RAPGEF3: variants seen among roughly 807,000 people sequenced by gnomAD.
RAPGEF3 encodes the protein 9330170P05Rik.
RAPGEF3 carries 103 observed loss-of-function variants against 129.8 expected under a neutral mutation model. The ratio of observed to expected loss-of-function variants is 0.79; its 90% CI spans 0.68 to 0.93. The LOEUF (loss-of-function observed/expected upper bound fraction) is 0.93. RAPGEF3 is among the 40% of genes least tolerant of loss of function. The probability of loss-of-function intolerance (pLI) is 0.00; values close to 1 mark genes in which losing one functional copy is unlikely to be tolerated. For synonymous variants in RAPGEF3, 436 were observed against 482.6 expected, an observed-to-expected ratio of 0.90 and a Z score of 1.26; for missense variants, 1,117 against 1,207.4, an observed-to-expected ratio of 0.93 and a Z score of 1.11.
At chr12:47,739,115 G>T (rs770516292) in intron 24 of RAPGEF3, 28 bp downstream of exon 24, 1 of 1,529,050 alleles carries the variant, frequency 6.5e-7, no homozygotes, top group Non-Finnish European at 9.0e-7. Context: ...GGGGGGAATG[G>T]AGGGATGGAG....
At chr12:47,744,598 C>A in intron 16 of RAPGEF3, 1 of 159,474 alleles carries the variant, frequency 6.3e-6, no homozygotes, top group Admixed American at 5.9e-5. Context: ...TGCTCCGATA[C>A]TGTGTCAGTG....
intron 2 of RAPGEF3, among the ~76,000 whole-genome samples, chr12:47,755,390 A>G (rs185705495): frequency 6.6e-6 from 1 of 152,264 alleles, no homozygotes; most frequent in Admixed American, 6.5e-5. Flanking sequence ...AACTACTACT[A>G]TTATTTGGAT....
chr12:47,737,299 C>T lies in RAPGEF3; in HGVS notation c.*268G>A. 1.0e-5 allele frequency: 5 copies of T among 496,108 alleles called. No homozygotes were observed. The highest frequency in any genetic ancestry group is 1.8e-5 in the Non-Finnish European group (5 of 272,842). 30.7% of individuals were successfully genotyped at this position (496,108 alleles called of 1,614,324 possible). A position where few individuals can be genotyped will look rare whatever the true frequency, so the allele number is the denominator to read the frequency against. On this transcript the variant is annotated 3_prime_UTR_variant, in exon 28 of 28. Coordinates refer to ENST00000449771, the MANE Select transcript of RAPGEF3 (RefSeq NM_001098531.4). ...ATTGCACACAACGTCCCAGCGCACTCCACTCTCCACCCACTCCTGGGGCCT... is the reference window on the plus strand; with the variant it reads ...ATTGCACACAACGTCCCAGCGCACTTCACTCTCCACCCACTCCTGGGGCCT...
chr12:47,741,753 G>A (rs1941181917), intron 18 of RAPGEF3, 151 bp from the exon 19 acceptor site: 2 of 648,878 alleles, frequency 3.1e-6, no homozygotes, highest in Admixed American at 4.7e-5. Flanking sequence ...GAATACACAG[G>A]TGCATGTGCC....
intron 24 of RAPGEF3, 142 bp from the exon 25 acceptor site, chr12:47,738,896 A>C: frequency 1.2e-6 from 1 of 809,472 alleles, no homozygotes; most frequent in Non-Finnish European, 2.1e-6. Flanking sequence ...CCCCAGCAGC[A>C]TTTCCTTGTA....
chr12:47,746,615 A>T, intron 16 of RAPGEF3: 1 of 706,394 alleles, frequency 1.4e-6, no homozygotes, highest in East Asian at 2.7e-5. Flanking sequence ...CAAAAGGAAT[A>T]AAAGGCCCAT....
intron 6 of RAPGEF3, 152 bp from the exon 7 acceptor site, chr12:47,750,577 G>A: frequency 7.4e-6 from 5 of 672,500 alleles, no homozygotes; most frequent in Non-Finnish European, 1.0e-5. Context: ...GTGCGCACAT[G>A]TGGCAGCGCT....
At chr12:47,753,633 G>A (rs1050443725) in intron 2 of RAPGEF3, among the ~76,000 whole-genome samples, 3 of 152,262 alleles carry the variant, frequency 2.0e-5, no homozygotes, top group Admixed American at 6.5e-5. Context: ...GAAATGAGAA[G>A]GAGGAGGAGC....
At chr12:47,741,349 T>C in intron 19 of RAPGEF3, 156 bp downstream of exon 19, 2 of 742,306 alleles carry the variant, frequency 2.7e-6, no homozygotes, top group South Asian at 3.4e-5. Flanking sequence ...AATTCCCCCA[T>C]CAGCTGAGGC....
At position 47,741,521 on chromosome 12, in the gene RAPGEF3, T is replaced by C. The variant is rs1289998337; in HGVS notation, c.1907A>G (p.Gln636Arg). The C allele has an allele frequency of 6.2e-7, 1 of 1,614,070 alleles. No individual in the cohort carries two copies. The highest frequency in any genetic ancestry group is 1.1e-5 in the South Asian group (1 of 91,086). The change falls in exon 19 of 28, where the codon CAG (glutamine) becomes CGG (arginine). Residue 636 changes from glutamine to arginine, a missense_variant. By Grantham distance (43) the Gln-to-Arg change is conservative. Coordinates refer to ENST00000449771, the MANE Select transcript of RAPGEF3 (RefSeq NM_001098531.4). ...GGTCCCTACCAGCTCATGCACTTCC[T>C]GTGGGTTGACAACAAAGAGACGCTC... is the stretch of plus-strand genomic sequence containing the variant. ...LNERLFVVNPQEVHELIPHPD... is the reference protein window; with the variant it reads ...LNERLFVVNPREVHELIPHPD...
In RAPGEF3 at chr12:47,734,520, G is replaced by A. The variant is rs1177709973; in HGVS notation, c.*3047C>T. 6.6e-6 allele frequency: 1 copy of A among 152,222 alleles called. No homozygotes were observed. The highest frequency in any genetic ancestry group is 1.5e-5 in the Non-Finnish European group (1 of 68,050). 9.4% of individuals were successfully genotyped at this position (152,222 alleles called of 1,614,324 possible). A position where few individuals can be genotyped will look rare whatever the true frequency, so the allele number is the denominator to read the frequency against. ...CTTCACCTGTCTACCCTGCTATTAAGCAGTTATGTGACCTTGGGCAAACCT... is the reference window on the plus strand; with the variant it reads ...CTTCACCTGTCTACCCTGCTATTAAACAGTTATGTGACCTTGGGCAAACCT... On this transcript the variant is annotated 3_prime_UTR_variant, in exon 28 of 28. Coordinates refer to ENST00000449771, the MANE Select transcript of RAPGEF3 (RefSeq NM_001098531.4).
Position 47,739,168 on chromosome 12 carries a change from G to A in RAPGEF3, c.2436C>T (p.Ile812=). The part of the protein sequence containing the change: ...LALAKLSPPV[I]PFMPLLLKDM... ...CTTTGAGAAGAAGGGGCATGAAGGG[G>A]ATGACAGGAGGGGAGAGCTTGGCGA... is the stretch of plus-strand genomic sequence containing the variant. The change falls in exon 24 of 28, where the codon ATC becomes ATT. Residue 812 remains isoleucine (I), a synonymous_variant. Coordinates refer to ENST00000449771, the MANE Select transcript of RAPGEF3 (RefSeq NM_001098531.4). The A allele has an allele frequency of 6.2e-7, 1 of 1,606,548 alleles. No homozygotes were observed. Among genetic ancestry groups the A allele is most frequent in the Non-Finnish European group, 8.5e-7 (1 of 1,176,722 alleles).
intron 26 of RAPGEF3, 29 bp downstream of exon 26, chr12:47,738,164 C>T (rs1940906238): frequency 1.2e-6 from 2 of 1,613,610 alleles, no homozygotes; most frequent in Admixed American, 1.7e-5. Flanking sequence ...GGGTGGGGGA[C>T]CTCCCACCCC....
rs1437847546 is a variant in RAPGEF3, at chr12:47,737,595, G to C, written c.2744C>G (p.Ser915Cys). ...LKVIDNQREL[S>C]RLSRELEP Reference sequence around the variant, plus strand: ...TGGCTCCAGCTCTCGGGAGAGGCGGGAGAGTTCCCGCTGGTTGTCAATGAC... The same window carrying C: ...TGGCTCCAGCTCTCGGGAGAGGCGGCAGAGTTCCCGCTGGTTGTCAATGAC... Residue 915 changes from serine to cysteine, a missense_variant, in exon 28 of 28, where the codon TCC (serine) becomes TGC (cysteine). By Grantham distance (112) the Ser-to-Cys change is moderately radical. This residue lies in a region of RAPGEF3 where 643 missense variants were observed against 673.4 expected (regional missense o/e 0.95). Coordinates refer to ENST00000449771, the MANE Select transcript of RAPGEF3 (RefSeq NM_001098531.4). 4 of 1,604,276 alleles carry C rather than the reference G, an allele frequency of 2.5e-6. No individual in the cohort carries two copies. The highest frequency in any genetic ancestry group is 1.1e-5 in the South Asian group (1 of 89,276).
At chr12:47,752,196 C>T (rs1397647698) in intron 2 of RAPGEF3, among the ~76,000 whole-genome samples, 2 of 152,252 alleles carry the variant, frequency 1.3e-5, no homozygotes, top group Non-Finnish European at 1.5e-5. Context: ...TCAAGGACTG[C>T]CTCCCTACAG....
intron 16 of RAPGEF3, chr12:47,745,022 C>T (rs1475732271): frequency 6.5e-6 from 1 of 152,684 alleles, no homozygotes; most frequent in African/African-American, 2.4e-5. Context: ...TCCCAGACCA[C>T]TCTGTTCCCC....
chr12:47,748,884 C>A lies in RAPGEF3; in HGVS notation c.1089G>T (p.Val363=), dbSNP rs1257268030. ...TMRLEEHGKV[V]LVLERASQGA... is the part of the protein sequence containing the mutation. ...CCTGAGAGGCTCTCTCCAGCACCAGCACCACTTTGCCATGTTCTTCCAGCC... is the reference window on the plus strand; with the variant it reads ...CCTGAGAGGCTCTCTCCAGCACCAGAACCACTTTGCCATGTTCTTCCAGCC... Residue 363 remains valine (V), a synonymous_variant, in exon 11 of 28, where the codon GTG becomes GTT. Coordinates refer to ENST00000449771, the MANE Select transcript of RAPGEF3 (RefSeq NM_001098531.4). 3 of 1,613,968 alleles carry A rather than the reference C, an allele frequency of 1.9e-6. No homozygotes were observed. The African/African-American group carries it at 4.0e-5, about 22-fold the overall frequency.
chr12:47,745,999 G>C (rs545314160), intron 16 of RAPGEF3: 2 of 152,438 alleles, frequency 1.3e-5, no homozygotes, highest in African/African-American at 2.4e-5. Flanking sequence ...TGGCGAGAGT[G>C]CTTTGAAGAA....
Position 47,749,926 on chromosome 12 carries a change from T to A in RAPGEF3, c.817+4A>T. 1.2e-6 allele frequency: 2 copies of A among 1,614,232 alleles called. No homozygotes were observed. Among genetic ancestry groups the A allele is most frequent in the Middle Eastern group, 1.6e-4 (1 of 6,062 alleles). On this transcript the variant is annotated splice_donor_region_variant and intron_variant, in intron 8 of 27. Transcript: ENST00000449771. This position sits in a 1 kb window ranked among gnomAD's most constrained non-coding sequence, Gnocchi z 4.5. ...CCTGGCTTCTTATGCCCTGCTGGAC[T>A]TACACACGGTCCCTGCCTTGCTGTG...
Sources: allele counts gnomAD v4.1 joint callset (sites outside exome capture counted in the v4.1 genomes callset), GRCh38; gene constraint gnomAD v4.1.1; regional missense constraint gnomAD v4.1.1; non-coding constraint Gnocchi (gnomAD v3.1); transcripts MANE v1.5; gene names NCBI Gene and HGNC (gene_info 2026-07-23, HGNC 2026-07-21).